The following VWC2L variants were observed in gnomAD, a reference collection of about 807,000 sequenced individuals.
VWC2L encodes von Willebrand factor C domain containing 2 like.
VWC2L carries 10 observed loss-of-function variants against 21.6 expected under a neutral mutation model. The observed-to-expected ratio is 0.46, with a 90% CI of 0.29 to 0.78. The LOEUF (loss-of-function observed/expected upper bound fraction) is 0.78, where lower values mean the gene tolerates loss of function less well. VWC2L is among the 30% of genes least tolerant of loss of function. The pLI, the probability that VWC2L is intolerant of heterozygous loss-of-function variation, is 0.10. For missense variants in VWC2L, 209 were observed against 277.1 expected (o/e 0.75, Z 1.74); for synonymous variants, 96 against 94.3 (o/e 1.02, Z -0.10).
chr2:214,498,640 T>G (rs966871602), intron 3 of VWC2L, among the ~76,000 whole-genome samples: 2 of 149,902 alleles, frequency 1.3e-5, no homozygotes, highest in African/African-American at 4.9e-5. Context: ...TATCTCTATA[T>G]GTATATTTAT....
At chr2:214,538,489 C>G (rs748762465) in intron 3 of VWC2L, among the ~76,000 whole-genome samples, 1 of 151,846 alleles carries the variant, frequency 6.6e-6, no homozygotes, top group Non-Finnish European at 1.5e-5. Context: ...AAAAAAATAC[C>G]CTGGATAAAA....
chr2:214,460,061 C>A (rs1182499331), intron 3 of VWC2L, among the ~76,000 whole-genome samples: 1 of 152,000 alleles, frequency 6.6e-6, no homozygotes. Context: ...GCACCTGCCA[C>A]CATGCCCAGC....
At chr2:214,495,515 C>G (rs773369535) in intron 3 of VWC2L, among the ~76,000 whole-genome samples, 6 of 152,144 alleles carry the variant, frequency 3.9e-5, no homozygotes, top group Non-Finnish European at 8.8e-5. Context: ...AGTTGATGGA[C>G]TACCACTTAG....
In VWC2L at chr2:214,577,836, T is replaced by C. The variant is rs1690257227; in HGVS notation, c.*2016T>C. Reference sequence around the variant, plus strand: ...TCAGACCTGACATTCTTATGCACACTGTGCTTGCGTTATGATACAAATAGC... The same window carrying C: ...TCAGACCTGACATTCTTATGCACACCGTGCTTGCGTTATGATACAAATAGC... On this transcript the variant is annotated 3_prime_UTR_variant, in exon 4 of 4. Coordinates refer to ENST00000312504, the MANE Select transcript of VWC2L (RefSeq NM_001080500.4). 6.6e-6 allele frequency: 1 copy of C among 152,218 alleles called. No homozygotes were observed. Among genetic ancestry groups the C allele is most frequent in the Non-Finnish European group, 1.5e-5 (1 of 68,038 alleles). 9.4% of individuals were successfully genotyped at this position (152,218 alleles called of 1,614,324 possible). A position where few individuals can be genotyped will look rare whatever the true frequency, so the allele number is the denominator to read the frequency against.
chr2:214,571,357 GAAGAT>G (rs1447807362), intron 3 of VWC2L, among the ~76,000 whole-genome samples: 4 of 152,176 alleles, frequency 2.6e-5, no homozygotes, highest in Non-Finnish European at 4.4e-5. Context: ...TCAGTGTCCT[GAAGAT>G]AAGAACATGC....
rs1385926051 is a variant in VWC2L, at chr2:214,538,513, AG to A, written c.521-37158del. ...CCCTGGATAAAAATTTTCTAACTAA[AG>A]CAAATATTTTTTATTGGACAACTAC... On this transcript the variant is annotated intron_variant, in intron 3 of 3. Coordinates refer to ENST00000312504, the MANE Select transcript of VWC2L (RefSeq NM_001080500.4). 7.9e-5 allele frequency among the ~76,000 whole-genome samples: 12 copies of A among 152,176 alleles called. 1 individual carries two copies. The East Asian group carries it at 2.3e-3, about 29-fold the overall frequency.
chr2:214,535,702 A>C (rs1689516001), intron 3 of VWC2L, among the ~76,000 whole-genome samples: 2 of 152,108 alleles, frequency 1.3e-5, no homozygotes, highest in African/African-American at 2.4e-5. Flanking sequence ...GGCTGTATAC[A>C]GCTACAGAGT....
At chr2:214,567,581 CACACACACACACACAG>C (rs1320975745) in intron 3 of VWC2L, among the ~76,000 whole-genome samples, 27 of 51,442 alleles carry the variant, frequency 5.2e-4, no homozygotes, top group Admixed American at 1.2e-3. Flanking sequence ...CACACACACA[CACACACACACACACAG>C]AGAGAGAGAG....
intron 3 of VWC2L, among the ~76,000 whole-genome samples, chr2:214,543,306 C>T (rs1689656384): frequency 6.6e-6 from 1 of 152,098 alleles, no homozygotes; most frequent in Non-Finnish European, 1.5e-5. Flanking sequence ...AGAGTGTTTA[C>T]CTTTAAATAT....
intron 3 of VWC2L, among the ~76,000 whole-genome samples, chr2:214,452,090 T>C (rs1702964717): frequency 6.6e-6 from 1 of 152,190 alleles, no homozygotes; most frequent in African/African-American, 2.4e-5. Context: ...CAATTTGCAT[T>C]TCCTAGCACT....
chr2:214,431,904 G>A (rs973715854), intron 2 of VWC2L, among the ~76,000 whole-genome samples: 3 of 152,106 alleles, frequency 2.0e-5, no homozygotes, highest in Non-Finnish European at 4.4e-5. Flanking sequence ...CCTAGTCAAT[G>A]GAGTGCTTGA....
intron 3 of VWC2L, among the ~76,000 whole-genome samples, chr2:214,474,332 A>C (rs1688467229): frequency 6.6e-6 from 1 of 152,160 alleles, no homozygotes; most frequent in Admixed American, 6.6e-5. Flanking sequence ...ATCCATTCAC[A>C]GTGTGACCTT....
chr2:214,483,599 C>T (rs112468633), intron 3 of VWC2L, among the ~76,000 whole-genome samples: 9,083 of 152,254 alleles, frequency 0.06, 384 homozygotes, highest in Non-Finnish European at 0.09. Context: ...AATACGTTTA[C>T]ATTCAACTTA....
intron 3 of VWC2L, among the ~76,000 whole-genome samples, chr2:214,505,947 C>T (rs1231521044): frequency 6.6e-6 from 1 of 152,054 alleles, no homozygotes; most frequent in Non-Finnish European, 1.5e-5. Flanking sequence ...GCACAGGGGC[C>T]AAAGGGGTAG....
chr2:214,515,663 C>T (rs1689130352), intron 3 of VWC2L, among the ~76,000 whole-genome samples: 1 of 152,212 alleles, frequency 6.6e-6, no homozygotes, highest in African/African-American at 2.4e-5. Flanking sequence ...CAGCGATTCT[C>T]CTGCCTCAGC....
At chr2:214,515,550 T>TTTTA (rs1299279349) in intron 3 of VWC2L, among the ~76,000 whole-genome samples, 1 of 152,060 alleles carries the variant, frequency 6.6e-6, no homozygotes, top group Admixed American at 6.6e-5. Flanking sequence ...TATTTATTTA[T>TTTTA]TTTATTTATT....
At chr2:214,541,212 C>A (rs772019923) in intron 3 of VWC2L, among the ~76,000 whole-genome samples, 3 of 151,808 alleles carry the variant, frequency 2.0e-5, no homozygotes, top group East Asian at 1.9e-4. Flanking sequence ...GATCATTGGG[C>A]TTTTTATATA....
At chr2:214,572,490 A>G (rs1690163864) in intron 3 of VWC2L, among the ~76,000 whole-genome samples, 1 of 152,202 alleles carries the variant, frequency 6.6e-6, no homozygotes, top group African/African-American at 2.4e-5. Flanking sequence ...TAAGAAACGT[A>G]TTCCCTTATT....
At chr2:214,434,496 T>C (rs1470179569) in intron 2 of VWC2L, among the ~76,000 whole-genome samples, 2 of 152,172 alleles carry the variant, frequency 1.3e-5, no homozygotes, top group Non-Finnish European at 2.9e-5. Context: ...GTACACAGAA[T>C]GGTGATTCTT....
Sources: gnomAD v4.1 joint callset for allele counts (sites outside exome capture counted in the v4.1 genomes callset) on GRCh38, gnomAD v4.1.1 for gene constraint, MANE v1.5 for transcripts, NCBI Gene and HGNC (gene_info 2026-07-23, HGNC 2026-07-21) for gene names.